The following RPTOR variants were observed in gnomAD, a reference collection of about 807,000 sequenced individuals.
RPTOR encodes regulatory associated protein of MTOR complex 1, also known as regulatory-associated protein of mTOR.
Under a neutral mutation model 169.9 loss-of-function variants are expected in RPTOR, and 21 were observed. That is an observed-to-expected ratio of 0.12 (90% CI 0.09 to 0.18). The LOEUF (loss-of-function observed/expected upper bound fraction) is 0.18, where lower values mean the gene tolerates loss of function less well. Ranked by LOEUF, RPTOR falls within the 10% of genes least tolerant of loss-of-function variation. The pLI is 1.00. For missense variants in RPTOR, 1,133 were observed against 1,855.9 expected, an observed-to-expected ratio of 0.61 and a Z score of 7.16; for synonymous variants, 732 against 753.2, an observed-to-expected ratio of 0.97 and a Z score of 0.46.
intron 1 of RPTOR, among the ~76,000 whole-genome samples, chr17:80,596,346 A>C (rs1306838351): frequency 1.3e-5 from 2 of 152,144 alleles, no homozygotes; most frequent in Non-Finnish European, 2.9e-5. Context: ...CTGTTGTAAC[A>C]CTGTGTGGTT....
At chr17:80,918,797 G>T (rs1014632184) in intron 21 of RPTOR, among the ~76,000 whole-genome samples, 1 of 152,216 alleles carries the variant, frequency 6.6e-6, no homozygotes, top group Admixed American at 6.5e-5. Context: ...TGCAGCGGGG[G>T]CTCCATACAG....
In RPTOR at chr17:80,754,248, C is replaced by A; in HGVS notation, c.830+63C>A. On this transcript the variant is annotated intron_variant, in intron 6 of 33. Transcript: ENST00000306801. This position sits in a 1 kb window ranked among gnomAD's most constrained non-coding sequence, Gnocchi z 4.2. ...CTGGGCTCTCCCGCAGGGACCCCAA[C>A]CCATGTGGGCCCCAGGCATTCACCT... 2 of 1,465,688 alleles carry A rather than the reference C, an allele frequency of 1.4e-6. No individual in the cohort carries two copies. The highest frequency in any genetic ancestry group is 1.8e-6 in the Non-Finnish European group (2 of 1,093,248). 90.8% of individuals were successfully genotyped at this position (1,465,688 alleles called of 1,614,324 possible).
At chr17:80,627,899 C>T (rs2065408586) in intron 2 of RPTOR, among the ~76,000 whole-genome samples, 1 of 149,788 alleles carries the variant, frequency 6.7e-6, no homozygotes, top group Admixed American at 6.7e-5. Flanking sequence ...AGTGCAATGG[C>T]ACGATCTTGG....
intron 1 of RPTOR, among the ~76,000 whole-genome samples, chr17:80,546,767 T>A (rs1417755795): frequency 6.6e-6 from 1 of 152,158 alleles, no homozygotes; most frequent in African/African-American, 2.4e-5. Flanking sequence ...AAGATTACAC[T>A]TCTGGGCTGG....
intron 4 of RPTOR, among the ~76,000 whole-genome samples, chr17:80,715,427 A>G (rs1447254242): frequency 6.6e-6 from 1 of 152,240 alleles, no homozygotes; most frequent in Admixed American, 6.5e-5. Flanking sequence ...GCTTCTTTCC[A>G]AGGCCATGCC....
chr17:80,951,153 G>A (rs571343041), intron 28 of RPTOR, among the ~76,000 whole-genome samples: 1 of 151,884 alleles, frequency 6.6e-6, no homozygotes, highest in Non-Finnish European at 1.5e-5. Flanking sequence ...TGGCCCCAGG[G>A]TCCCTGAGAC....
At chr17:80,595,570 C>G (rs924236342) in intron 1 of RPTOR, among the ~76,000 whole-genome samples, 6 of 152,210 alleles carry the variant, frequency 3.9e-5, no homozygotes, top group African/African-American at 1.4e-4. Flanking sequence ...ATCCTCCCAC[C>G]TCAGCCTTCT....
chr17:80,581,804 C>A (rs1341886583), intron 1 of RPTOR, among the ~76,000 whole-genome samples: 7 of 152,256 alleles, frequency 4.6e-5, no homozygotes, highest in Admixed American at 4.6e-4. Flanking sequence ...GCAGTGGAGA[C>A]TGCTCATGGA....
chr17:80,884,891 A>T, intron 16 of RPTOR, 117 bp from the exon 17 acceptor site: 1 of 1,323,840 alleles, frequency 7.6e-7, no homozygotes, highest in Non-Finnish European at 1.0e-6. Context: ...GGGCCTGGAG[A>T]GCTGTTGAGC....
intron 13 of RPTOR, among the ~76,000 whole-genome samples, chr17:80,869,199 G>A (rs59453935): frequency 2.6e-5 from 4 of 151,798 alleles, no homozygotes; most frequent in East Asian, 3.9e-4. Flanking sequence ...TCACTCTGTC[G>A]CCCAGGCTGG....
chr17:80,761,408 G>A (rs1229156950), intron 6 of RPTOR, among the ~76,000 whole-genome samples: 2 of 152,166 alleles, frequency 1.3e-5, no homozygotes, highest in African/African-American at 4.8e-5. Flanking sequence ...GACTATAAAT[G>A]TTAATGATAG....
chr17:80,896,400 G>A lies in RPTOR; in HGVS notation c.2401+2535G>A, dbSNP rs1451118489. Among the ~76,000 whole-genome samples, 17 of 18,634 alleles carry A rather than the reference G, an allele frequency of 9.1e-4. No individual in the cohort carries two copies. In the East Asian group the frequency reaches 0.013, roughly 14 times the overall value. The allele number at this position is 18,634 out of a possible 152,430, so 12.2% of individuals were successfully genotyped here. A position where few individuals can be genotyped will look rare whatever the true frequency, so the allele number is the denominator to read the frequency against. Reference sequence around the variant, plus strand: ...CCACGCGGCCTCGCTGACACCCCACGGCCGCAGCAACACCCCACACGGCCT... The same window carrying A: ...CCACGCGGCCTCGCTGACACCCCACAGCCGCAGCAACACCCCACACGGCCT... On this transcript the variant is annotated intron_variant, in intron 20 of 33. Coordinates refer to ENST00000306801, the MANE Select transcript of RPTOR (RefSeq NM_020761.3).
At chr17:80,938,946 T>A (rs1454155281) in intron 24 of RPTOR, among the ~76,000 whole-genome samples, 1 of 152,238 alleles carries the variant, frequency 6.6e-6, no homozygotes, top group Non-Finnish European at 1.5e-5. Context: ...GAAACCGTTT[T>A]CTTTCTCCGC....
chr17:80,884,021 G>A (rs768233863), intron 16 of RPTOR, 49 bp downstream of exon 16: 16 of 1,573,244 alleles, frequency 1.0e-5, no homozygotes, highest in South Asian at 6.9e-5. Context: ...TGCCGACTGC[G>A]GGGGTAAGGC....
intron 13 of RPTOR, among the ~76,000 whole-genome samples, chr17:80,873,485 C>T (rs1170105073): frequency 6.6e-6 from 1 of 152,178 alleles, no homozygotes; most frequent in Non-Finnish European, 1.5e-5. Context: ...AAATCTAGCC[C>T]GGAAGGTGGA....
chr17:80,707,128 G>A lies in RPTOR; in HGVS notation c.349-713G>A, dbSNP rs878919487. 5.9e-5 allele frequency among the ~76,000 whole-genome samples: 9 copies of A among 152,188 alleles called. No homozygotes were observed. The highest frequency in any genetic ancestry group is 7.3e-5 in the Non-Finnish European group (5 of 68,030). Reference sequence around the variant, plus strand: ...CGGAGGGAGGAGCTTTCAGCAGGGCGATTCCTTACTCGGTCTCTTCACTCT... The same window carrying A: ...CGGAGGGAGGAGCTTTCAGCAGGGCAATTCCTTACTCGGTCTCTTCACTCT... On this transcript the variant is annotated intron_variant, in intron 3 of 33. Coordinates refer to ENST00000306801, the MANE Select transcript of RPTOR (RefSeq NM_020761.3). The surrounding 1 kb of genome is among the most constrained non-coding windows in gnomAD (Gnocchi z 5.0).
intron 21 of RPTOR, among the ~76,000 whole-genome samples, chr17:80,918,279 C>T (rs1228928813): frequency 4.6e-5 from 7 of 152,322 alleles, no homozygotes; most frequent in East Asian, 3.9e-4. Context: ...ACCCCTGGAT[C>T]GCCCATCCAG....
chr17:80,675,495 C>T (rs537080726), intron 3 of RPTOR, among the ~76,000 whole-genome samples: 5 of 152,304 alleles, frequency 3.3e-5, no homozygotes, highest in South Asian at 2.1e-4. Flanking sequence ...GGTTTACTTT[C>T]GGGTAAACCT....
chr17:80,769,844 C>G (rs918961594), intron 6 of RPTOR, among the ~76,000 whole-genome samples: 10 of 152,004 alleles, frequency 6.6e-5, no homozygotes, highest in Admixed American at 6.6e-4. Flanking sequence ...AGAGGGAGGG[C>G]GGGGTCCGTG....
Sources: gnomAD v4.1 joint callset for allele counts (sites outside exome capture counted in the v4.1 genomes callset) on GRCh38, gnomAD v4.1.1 for gene constraint, Gnocchi (gnomAD v3.1) non-coding constraint, MANE v1.5 for transcripts, NCBI Gene and HGNC (gene_info 2026-07-23, HGNC 2026-07-21) for gene names.